Variants in PRSS57 observed in about 807,000 individuals in gnomAD.
The protein encoded by PRSS57 is neutrophil serine protease 4.
In PRSS57, 19 loss-of-function variants were observed where a neutral mutation model predicts 20.6. The ratio of observed to expected loss-of-function variants is 0.92; its 90% CI spans 0.64 to 1.35. The LOEUF (loss-of-function observed/expected upper bound fraction) is 1.35, where lower values mean the gene tolerates loss of function less well. Among genes scored for constraint, PRSS57 ranks in the 40% most tolerant of loss-of-function variants. PRSS57 has a pLI of 0.00. For missense variants in PRSS57, 440 were observed against 403.7 expected (o/e 1.09, Z -0.77); for synonymous variants, 203 against 176.6 (o/e 1.15, Z -1.19).
In PRSS57 at chr19:691,877, T is replaced by C; in HGVS notation, c.359A>G (p.Asn120Ser). The C allele has an allele frequency of 7.5e-7, 1 of 1,334,748 alleles. No individual in the cohort carries two copies. Among genetic ancestry groups the C allele is most frequent in the Non-Finnish European group, 9.7e-7 (1 of 1,033,100 alleles). The allele number at this position is 1,334,748 out of a possible 1,614,324, so 82.7% of individuals were successfully genotyped here. A position where few individuals can be genotyped will look rare whatever the true frequency, so the allele number is the denominator to read the frequency against. The change falls in exon 3 of 5, where the codon AAC becomes AGC. Residue 120 changes from asparagine (N) to serine (S), a missense_variant. By Grantham distance (46) the Asn-to-Ser change is conservative. Coordinates refer to ENST00000329267, the MANE Select transcript of PRSS57 (RefSeq NM_001308209.2). ...GCTCACCCGCAGCAGGCAGATGTCG[T>C]TGGCGTGGGTCATGGGGTGGTAGTC... ...HPDYHPMTHANDICLLRLNGS... is the reference protein window; with the variant it reads ...HPDYHPMTHASDICLLRLNGS...
chr19:693,495 C>T (rs566272060), intron 2 of PRSS57, among the ~76,000 whole-genome samples: 1 of 152,238 alleles, frequency 6.6e-6, no homozygotes, highest in African/African-American at 2.4e-5. Flanking sequence ...CCATTTAATG[C>T]TCACGCCGGC....
intron 2 of PRSS57, 78 bp from the exon 3 acceptor site, chr19:692,080 G>T: frequency 8.1e-7 from 1 of 1,237,148 alleles, no homozygotes. Context: ...CTATGAAACG[G>T]AGGCCCAGGC....
Position 695,339 on chromosome 19 carries a change from G to A in PRSS57, c.79+13C>T. ...GGCGGGGGCCTGGGTGGGGATCCCG[G>A]GGGGCTCCTCACCGGGGGGCTTCAC... On this transcript the variant is annotated intron_variant, in intron 1 of 4. Transcript: ENST00000329267. The A allele has an allele frequency of 8.0e-7, 1 of 1,244,154 alleles. No individual in the cohort carries two copies. The highest frequency in any genetic ancestry group is 3.0e-5 in the East Asian group (1 of 33,544). 77.1% of individuals were successfully genotyped at this position (1,244,154 alleles called of 1,614,324 possible). A position where few individuals can be genotyped will look rare whatever the true frequency, so the allele number is the denominator to read the frequency against.
At chr19:686,674 C>G (rs771984953) in intron 4 of PRSS57, among the ~76,000 whole-genome samples, 7 of 152,164 alleles carry the variant, frequency 4.6e-5, no homozygotes, top group African/African-American at 9.7e-5. Flanking sequence ...CAATCTGTTA[C>G]TACCCTCTAC....
At chr19:694,529 T>C (rs547414756) in intron 2 of PRSS57, among the ~76,000 whole-genome samples, 7 of 149,184 alleles carry the variant, frequency 4.7e-5, no homozygotes, top group Admixed American at 3.3e-4. Context: ...GATTGCACCG[T>C]TGCACTCCAG....
intron 3 of PRSS57, chr19:691,015 G>T: frequency 2.6e-6 from 1 of 381,670 alleles, no homozygotes. Context: ...GGGCCACTTT[G>T]CCAAGGCCGC....
chr19:691,778 C>A, intron 3 of PRSS57, 80 bp downstream of exon 3: 1 of 1,252,688 alleles, frequency 8.0e-7, no homozygotes, highest in Non-Finnish European at 1.0e-6. Flanking sequence ...GAGATTGCGC[C>A]ATTGCCCTCC....
At chr19:686,866 T>A in intron 4 of PRSS57, 59 bp downstream of exon 4, 2 of 1,564,104 alleles carry the variant, frequency 1.3e-6, no homozygotes, top group East Asian at 4.5e-5. Context: ...GCCCTGACCC[T>A]CTCTGTGGGC....
chr19:690,926 C>T (rs34310921), intron 3 of PRSS57: 74,871 of 455,576 alleles, frequency 0.16, 7,071 homozygotes, highest in African/African-American at 0.28. Context: ...ATCGTCTGGG[C>T]GCCTGTGCTC....
At position 686,953 on chromosome 19, in the gene PRSS57, C is replaced by G. The variant is rs1307950340; in HGVS notation, c.614G>C (p.Gly205Ala). The change falls in exon 4 of 5, where the codon GGG becomes GCG. Residue 205 changes from glycine to alanine, a missense_variant. Transcript: ENST00000329267. Reference sequence around the variant, plus strand: ...GCAGAAGCCCCGTCTGTGGCTGTCCCCACTGCGGGTGCAGAGCATGGTAAG... The same window carrying G: ...GCAGAAGCCCCGTCTGTGGCTGTCCGCACTGCGGGTGCAGAGCATGGTAAG... ...LTLTMLCTRSGDSHRRGFCSA... is the reference protein window; with the variant it reads ...LTLTMLCTRSADSHRRGFCSA... 4.3e-6 allele frequency: 7 copies of G among 1,614,094 alleles called. No individual in the cohort carries two copies. The highest frequency in any genetic ancestry group is 5.1e-6 in the Non-Finnish European group (6 of 1,179,998).
At chr19:690,984 C>T (rs769473304) in intron 3 of PRSS57, 4 of 435,104 alleles carry the variant, frequency 9.2e-6, no homozygotes, top group Non-Finnish European at 1.7e-5. Context: ...ACACCTTAGC[C>T]AGGGGCTGCA....
At chr19:689,186 G>GCA (rs2031566279) in intron 3 of PRSS57, among the ~76,000 whole-genome samples, 1 of 129,916 alleles carries the variant, frequency 7.7e-6, no homozygotes, top group African/African-American at 3.0e-5. Flanking sequence ...TGACGACGGG[G>GCA]CTGGAAGGGT....
chr19:685,984 C>T (rs1464195189), intron 4 of PRSS57, 62 bp from the exon 5 acceptor site: 19 of 1,399,902 alleles, frequency 1.4e-5, no homozygotes, highest in East Asian at 2.5e-5. Flanking sequence ...CATCTCACCA[C>T]GGCCCTCCCT....
chr19:689,954 G>A (rs555545238), intron 3 of PRSS57, among the ~76,000 whole-genome samples: 23 of 151,754 alleles, frequency 1.5e-4, no homozygotes, highest in Middle Eastern at 3.2e-3. Context: ...TCGGGAGGCC[G>A]AGGCAGGAGA....
chr19:685,939 G>C lies in PRSS57; in HGVS notation c.643-17C>G. 3 of 1,526,452 alleles carry C rather than the reference G, an allele frequency of 2.0e-6. No individual in the cohort carries two copies. The highest frequency in any genetic ancestry group is 2.7e-6 in the Non-Finnish European group (3 of 1,131,028). The allele number at this position is 1,526,452 out of a possible 1,614,324, so 94.6% of individuals were successfully genotyped here. A position where few individuals can be genotyped will look rare whatever the true frequency, so the allele number is the denominator to read the frequency against. ...GGAGTCGGCCTGGAGTGAAAGGAGAGGTGAGGTCAGGGCCTCTGGGAGCTG... is the reference window on the plus strand; with the variant it reads ...GGAGTCGGCCTGGAGTGAAAGGAGACGTGAGGTCAGGGCCTCTGGGAGCTG... On this transcript the variant is annotated splice_polypyrimidine_tract_variant and intron_variant, in intron 4 of 4. Transcript: ENST00000329267.
chr19:694,928 G>C lies in PRSS57; in HGVS notation c.119C>G (p.Thr40Ser), dbSNP rs757895881. The C allele has an allele frequency of 1.3e-6, 2 of 1,584,832 alleles. No individual in the cohort carries two copies. The highest frequency in any genetic ancestry group is 8.6e-7 in the Non-Finnish European group (1 of 1,165,452). ...TGCCATGTAGGGCCTGGAGTGGGGG[G>C]TCACCTCGTGGCCCCCGATGATCTG... ...GAQIIGGHEV[T>S]PHSRPYMASV... The change falls in exon 2 of 5, where the codon ACC becomes AGC. Residue 40 changes from threonine to serine, a missense_variant. By Grantham distance (58) the Thr-to-Ser change is moderately conservative (BLOSUM62 1). Transcript: ENST00000329267.
At chr19:690,607 C>T in intron 3 of PRSS57, 1 of 250,716 alleles carries the variant, frequency 4.0e-6, no homozygotes, top group South Asian at 4.4e-5. Context: ...TCCTGAGGGC[C>T]TCTCTCCAGG....
chr19:692,934 A>T (rs2031688131), intron 2 of PRSS57, among the ~76,000 whole-genome samples: 4 of 146,024 alleles, frequency 2.7e-5, no homozygotes, highest in Admixed American at 6.9e-5. Flanking sequence ...TATTTCTTTA[A>T]TTTTTTTTTT....
chr19:694,310 G>A (rs998880695), intron 2 of PRSS57, among the ~76,000 whole-genome samples: 3 of 150,678 alleles, frequency 2.0e-5, no homozygotes, highest in Admixed American at 6.6e-5. Flanking sequence ...GCTCACACCT[G>A]CAATCCCAGC....
Sources: gnomAD v4.1 joint callset for allele counts (sites outside exome capture counted in the v4.1 genomes callset) on GRCh38, gnomAD v4.1.1 for gene constraint, MANE v1.5 for transcripts, NCBI Gene and HGNC (gene_info 2026-07-23, HGNC 2026-07-21) for gene names.